Variants in CSMD3 observed in about 807,000 individuals in gnomAD.
CSMD3 encodes the protein CUB and Sushi multiple domains 3.
CSMD3 carries 177 observed loss-of-function variants against 435.2 expected under a neutral mutation model. The ratio of observed to expected loss-of-function variants is 0.41; its 90% CI spans 0.36 to 0.46. The LOEUF (loss-of-function observed/expected upper bound fraction) is 0.46. CSMD3 is among the 20% of genes least tolerant of loss of function. The pLI, the probability that CSMD3 is intolerant of heterozygous loss-of-function variation, is 0.34. For missense variants in CSMD3, 4,265 were observed against 4,504.6 expected, an observed-to-expected ratio of 0.95 and a Z score of 1.52; for synonymous variants, 1,656 against 1,520.5, an observed-to-expected ratio of 1.09 and a Z score of -2.07.
At chr8:112,820,641 A>AT (rs112907451) in intron 12 of CSMD3, among the ~76,000 whole-genome samples, 18,796 of 142,668 alleles carry the variant, frequency 0.13, 1,244 homozygotes, top group Middle Eastern at 0.26. Flanking sequence ...TGAGGCCTTA[A>AT]TTTTTTTTTT....
At chr8:113,330,351 C>T (rs533642682) in intron 1 of CSMD3, among the ~76,000 whole-genome samples, 2 of 150,538 alleles carry the variant, frequency 1.3e-5, no homozygotes, top group South Asian at 4.2e-4. Flanking sequence ...TAAAATTGTA[C>T]ACTAGAAAGT....
chr8:112,642,543 T>C (rs1229660385), intron 20 of CSMD3, among the ~76,000 whole-genome samples: 1 of 152,172 alleles, frequency 6.6e-6, no homozygotes, highest in African/African-American at 2.4e-5. Context: ...GATTTATCCT[T>C]GTTAAGATTC....
intron 11 of CSMD3, among the ~76,000 whole-genome samples, chr8:112,839,878 T>A (rs2080131019): frequency 6.6e-6 from 1 of 151,782 alleles, no homozygotes; most frequent in South Asian, 2.1e-4. Flanking sequence ...TGCAATGAGT[T>A]TTAATTCCAG....
intron 4 of CSMD3, among the ~76,000 whole-genome samples, chr8:113,102,930 T>C (rs1221146976): frequency 6.6e-6 from 1 of 152,124 alleles, no homozygotes; most frequent in Non-Finnish European, 1.5e-5. Flanking sequence ...AGTTGCTCTA[T>C]GGAGGGATAA....
intron 21 of CSMD3, among the ~76,000 whole-genome samples, chr8:112,637,569 T>C (rs538616658): frequency 1.3e-5 from 2 of 152,172 alleles, no homozygotes; most frequent in South Asian, 4.2e-4. Context: ...TTACAGGAAG[T>C]TTTCCCCAGG....
chr8:112,522,527 A>G (rs1412550208), intron 27 of CSMD3, among the ~76,000 whole-genome samples: 1 of 151,914 alleles, frequency 6.6e-6, no homozygotes, highest in Non-Finnish European at 1.5e-5. Context: ...CAGTACAAGA[A>G]TTTGAAGAGA....
chr8:112,954,599 T>C, intron 8 of CSMD3, 85 bp downstream of exon 8: 2 of 789,964 alleles, frequency 2.5e-6, no homozygotes, highest in Non-Finnish European at 4.4e-6. Flanking sequence ...TACACAAATA[T>C]TTTGGTAAAA....
At chr8:113,054,977 T>C (rs6651207) in intron 5 of CSMD3, among the ~76,000 whole-genome samples, 13,159 of 152,222 alleles carry the variant, frequency 0.086, 630 homozygotes, top group Non-Finnish European at 0.095. Context: ...ACATTTAAAA[T>C]GTTATCTAAC....
At chr8:112,448,698 T>G (rs1815907440) in intron 32 of CSMD3, among the ~76,000 whole-genome samples, 1 of 150,706 alleles carries the variant, frequency 6.6e-6, no homozygotes. Flanking sequence ...GGTAATTTGT[T>G]ACACCAGCCC....
intron 1 of CSMD3, among the ~76,000 whole-genome samples, chr8:113,391,317 G>A (rs1302484054): frequency 1.3e-5 from 2 of 151,968 alleles, no homozygotes; most frequent in Non-Finnish European, 2.9e-5. Flanking sequence ...AATTGGTTTA[G>A]TATAATAAAA....
chr8:112,402,578 T>C lies in CSMD3; in HGVS notation c.5809+3946A>G, dbSNP rs546432808. Among the ~76,000 whole-genome samples the C allele has an allele frequency of 5.9e-5, 9 of 152,298 alleles. No individual in the cohort carries two copies. The South Asian group carries it at 1.9e-3, about 32-fold the overall frequency. ...TATGAAACTAAATGAAGAGAACTACTTATCTAAGTCCTTCTATTTTTACAG... is the reference window on the plus strand; with the variant it reads ...TATGAAACTAAATGAAGAGAACTACCTATCTAAGTCCTTCTATTTTTACAG... On this transcript the variant is annotated intron_variant, in intron 35 of 70. Coordinates refer to ENST00000297405, the MANE Select transcript of CSMD3 (RefSeq NM_198123.2).
chr8:113,408,583 A>C (rs993092076), intron 1 of CSMD3, among the ~76,000 whole-genome samples: 2 of 152,172 alleles, frequency 1.3e-5, no homozygotes, highest in African/African-American at 4.8e-5. Flanking sequence ...TGACTAAGAT[A>C]TAAATAATAA....
chr8:112,663,685 T>TA (rs1216609167), intron 17 of CSMD3, among the ~76,000 whole-genome samples: 4 of 151,950 alleles, frequency 2.6e-5, no homozygotes, highest in Admixed American at 6.6e-5. Context: ...ATTGGAGAGA[T>TA]ACAAGCAATT....
chr8:113,194,221 T>C (rs535878302), intron 3 of CSMD3, among the ~76,000 whole-genome samples: 1 of 151,290 alleles, frequency 6.6e-6, no homozygotes, highest in African/African-American at 2.4e-5. Context: ...ACTCTGTAAT[T>C]ATAGACAAAA....
At position 112,503,918 on chromosome 8, in the gene CSMD3, C is replaced by T. The variant is rs775179197; in HGVS notation, c.4955G>A (p.Ser1652Asn). The T allele has an allele frequency of 6.2e-7, 1 of 1,611,518 alleles. No individual in the cohort carries two copies. Residue 1652 changes from serine (S) to asparagine (N), a missense_variant, in exon 30 of 71, where the codon AGC becomes AAC. Ser to Asn is a conservative substitution (Grantham distance 46). Around this residue, in one of 3 missense-constraint regions of CSMD3, gnomAD observed 3,255 missense variants for 3,380.2 expected, o/e 0.96. Transcript: ENST00000297405. ...GTCTTGAAAACTTCCAATCAGTGGG[C>T]TATTACTGTCTGGTCCATCATAGAT... Reference protein sequence around the residue: ...LYIYDGPDSNSPLIGSFQDSK... With the variant: ...LYIYDGPDSNNPLIGSFQDSK...
chr8:112,579,685 G>A (rs1243817430), intron 23 of CSMD3, among the ~76,000 whole-genome samples: 1 of 151,872 alleles, frequency 6.6e-6, no homozygotes, highest in Non-Finnish European at 1.5e-5. Flanking sequence ...TGTCATAAGT[G>A]CTATTCCCAA....
At chr8:112,898,396 G>A (rs1587614452) in intron 10 of CSMD3, among the ~76,000 whole-genome samples, 2 of 151,114 alleles carry the variant, frequency 1.3e-5, no homozygotes, top group African/African-American at 4.8e-5. Flanking sequence ...TTGTATTCAC[G>A]GTTCTCAAGC....
At chr8:112,402,094 G>A (rs1211242750) in intron 35 of CSMD3, among the ~76,000 whole-genome samples, 1 of 152,146 alleles carries the variant, frequency 6.6e-6, no homozygotes, top group Non-Finnish European at 1.5e-5. Flanking sequence ...TAGGTTCCAA[G>A]AACTAAGCCA....
chr8:112,527,197 T>C (rs894382575), intron 27 of CSMD3, among the ~76,000 whole-genome samples: 5 of 151,838 alleles, frequency 3.3e-5, no homozygotes, highest in South Asian at 2.1e-4. Flanking sequence ...GATGCAACCA[T>C]AAGCTATTTA....
Sources: gnomAD v4.1 joint callset for allele counts (sites outside exome capture counted in the v4.1 genomes callset) on GRCh38, gnomAD v4.1.1 for gene constraint, gnomAD v4.1.1 regional missense constraint, MANE v1.5 for transcripts, NCBI Gene and HGNC (gene_info 2026-07-23, HGNC 2026-07-21) for gene names.